The following NELL1 variants were observed in gnomAD, a reference collection of about 807,000 sequenced individuals.
NELL1 encodes the protein protein kinase C-binding protein NELL1.
NELL1 carries 76 observed loss-of-function variants against 107.4 expected under a neutral mutation model. That is an observed-to-expected ratio of 0.71 (90% confidence interval 0.59 to 0.86). The LOEUF (loss-of-function observed/expected upper bound fraction) is 0.86, where lower values mean the gene tolerates loss of function less well. NELL1 is among the 40% of genes least tolerant of loss of function. NELL1 has a pLI of 0.00. For missense variants in NELL1, 1,024 were observed against 1,005.5 expected, an observed-to-expected ratio of 1.02 and a Z score of -0.25; for synonymous variants, 353 against 341.2, an observed-to-expected ratio of 1.03 and a Z score of -0.38.
At chr11:21,002,843 G>A (rs1423863068) in intron 12 of NELL1, among the ~76,000 whole-genome samples, 2 of 152,116 alleles carry the variant, frequency 1.3e-5, no homozygotes, top group African/African-American at 2.4e-5. Flanking sequence ...TTCACTTGCA[G>A]TGAATTATTT....
chr11:21,062,804 TTTTG>T (rs549369856), intron 12 of NELL1, among the ~76,000 whole-genome samples: 80 of 151,626 alleles, frequency 5.3e-4, no homozygotes, highest in Middle Eastern at 3.4e-3. Context: ...AGTTTTCCTT[TTTTG>T]TTTGTTTGTT....
At chr11:21,195,917 T>C (rs2133841617) in intron 13 of NELL1, among the ~76,000 whole-genome samples, 1 of 152,362 alleles carries the variant, frequency 6.6e-6, no homozygotes, top group Non-Finnish European at 1.5e-5. Context: ...CAAGTAATAC[T>C]ATTTTTCAGC....
At position 20,692,663 on chromosome 11, in the gene NELL1, G is replaced by A. The variant is rs573397298; in HGVS notation, c.184+14603G>A. Among the ~76,000 whole-genome samples, 971 of 151,592 alleles carry A rather than the reference G, an allele frequency of 6.4e-3. 9 individuals carry two copies. Among genetic ancestry groups the A allele is most frequent in the African/African-American group, 0.022 (901 of 41,230 alleles). On this transcript the variant is annotated intron_variant, in intron 2 of 19. Transcript: ENST00000357134. ...GTGGTCTGAGAGACAGTTTGTTATA[G>A]TTTCTGTTCTTTTACATTTGCTGAG...
At chr11:21,243,320 C>T (rs1191156837) in intron 14 of NELL1, among the ~76,000 whole-genome samples, 1 of 151,972 alleles carries the variant, frequency 6.6e-6, no homozygotes, top group African/African-American at 2.4e-5. Flanking sequence ...AGGAATTTTT[C>T]ATATCTTTCT....
At chr11:21,525,674 A>C (rs969909251) in intron 15 of NELL1, among the ~76,000 whole-genome samples, 1 of 152,204 alleles carries the variant, frequency 6.6e-6, no homozygotes, top group Non-Finnish European at 1.5e-5. Context: ...ACAGTTCCAC[A>C]TGGCTGGGGA....
At chr11:21,071,417 CAAT>C (rs1854011964) in intron 12 of NELL1, among the ~76,000 whole-genome samples, 1 of 151,978 alleles carries the variant, frequency 6.6e-6, no homozygotes. Context: ...GTAAAGATGG[CAAT>C]AATAATAATG....
At chr11:21,056,962 T>C (rs1853628690) in intron 12 of NELL1, among the ~76,000 whole-genome samples, 1 of 148,014 alleles carries the variant, frequency 6.8e-6, no homozygotes, top group Non-Finnish European at 1.5e-5. Context: ...ACTGTAAAAA[T>C]ATTTGGGTAG....
At chr11:20,691,452 C>T (rs1375278666) in intron 2 of NELL1, among the ~76,000 whole-genome samples, 16 of 151,980 alleles carry the variant, frequency 1.1e-4, no homozygotes, top group East Asian at 7.7e-4. Flanking sequence ...TTTTGAGATA[C>T]GTCCCATCAA....
chr11:21,109,978 C>T (rs552314171), intron 12 of NELL1, among the ~76,000 whole-genome samples: 2 of 152,172 alleles, frequency 1.3e-5, no homozygotes, highest in South Asian at 2.1e-4. Flanking sequence ...ATCCCAAAAC[C>T]GTGAGAGTTG....
intron 2 of NELL1, among the ~76,000 whole-genome samples, chr11:20,721,680 A>C (rs961559952): frequency 6.6e-6 from 1 of 152,208 alleles, no homozygotes; most frequent in Non-Finnish European, 1.5e-5. Flanking sequence ...ACTGTTGGTC[A>C]CAGTCTAGCA....
chr11:21,482,116 A>G (rs1220122047), intron 15 of NELL1, among the ~76,000 whole-genome samples: 4 of 152,274 alleles, frequency 2.6e-5, no homozygotes, highest in Admixed American at 2.6e-4. Context: ...ACTAGTTTAT[A>G]GAATTGACAG....
intron 15 of NELL1, among the ~76,000 whole-genome samples, chr11:21,485,028 T>A (rs1487923344): frequency 6.6e-6 from 1 of 151,970 alleles, no homozygotes; most frequent in South Asian, 2.1e-4. Flanking sequence ...CTCCTGGACA[T>A]AAGGAAAGGG....
intron 15 of NELL1, among the ~76,000 whole-genome samples, chr11:21,415,937 G>T (rs1449011871): frequency 6.6e-6 from 1 of 151,562 alleles, no homozygotes; most frequent in Non-Finnish European, 1.5e-5. Flanking sequence ...TCTTCAAGAG[G>T]AGTTGGGAGA....
chr11:20,679,325 G>C (rs1212223052), intron 2 of NELL1, among the ~76,000 whole-genome samples: 1 of 152,164 alleles, frequency 6.6e-6, no homozygotes, highest in African/African-American at 2.4e-5. Context: ...AGGCAGCCTG[G>C]ATATTCCTCT....
intron 16 of NELL1, among the ~76,000 whole-genome samples, chr11:21,548,164 T>C (rs1431779943): frequency 6.6e-6 from 1 of 151,706 alleles, no homozygotes; most frequent in African/African-American, 2.4e-5. Flanking sequence ...TGCAGAGGAG[T>C]GAATAAGTGG....
At position 21,524,370 on chromosome 11, in the gene NELL1, T is replaced by C. The variant is rs150998817; in HGVS notation, c.1646-10004T>C. Among the ~76,000 whole-genome samples, 111 of 152,240 alleles carry C rather than the reference T, an allele frequency of 7.3e-4. 3 individuals are homozygous for C. Among genetic ancestry groups the C allele is most frequent in the Middle Eastern group, 6.8e-3 (2 of 294 alleles). On this transcript the variant is annotated intron_variant, in intron 15 of 19. Coordinates refer to ENST00000357134, the MANE Select transcript of NELL1 (RefSeq NM_006157.5). ...TAATATATGGAAGTTCAAAAATTCT[T>C]CCTATTTAATAGAGAAACTGTAAGA...
rs1857189069 is a variant in NELL1, at chr11:21,575,026, A to AT, written c.*7dup. Reference sequence around the variant, plus strand: ...TGAGTGTCTTCAAAATAATTGAAGTATTTACAGTGGACTCAACGCAGAAGA... The same window carrying AT: ...TGAGTGTCTTCAAAATAATTGAAGTATTTTACAGTGGACTCAACGCAGAAGA... On this transcript the variant is annotated 3_prime_UTR_variant, in exon 20 of 20. Coordinates refer to ENST00000357134, the MANE Select transcript of NELL1 (RefSeq NM_006157.5). 6.2e-7 allele frequency: 1 copy of AT among 1,606,204 alleles called. No individual in the cohort carries two copies. The highest frequency in any genetic ancestry group is 1.3e-5 in the African/African-American group (1 of 74,646).
chr11:21,077,214 A>T (rs1048416836), intron 12 of NELL1, among the ~76,000 whole-genome samples: 1 of 152,228 alleles, frequency 6.6e-6, no homozygotes, highest in Non-Finnish European at 1.5e-5. Context: ...CCTGAGTAAC[A>T]TGACAATATT....
chr11:21,037,207 A>G (rs2134325712), intron 12 of NELL1, among the ~76,000 whole-genome samples: 1 of 150,948 alleles, frequency 6.6e-6, no homozygotes, highest in Middle Eastern at 3.4e-3. Context: ...TAATGTGAGA[A>G]GCCAATTTTG....
Sources: gnomAD v4.1 joint callset for allele counts (sites outside exome capture counted in the v4.1 genomes callset) on GRCh38, gnomAD v4.1.1 for gene constraint, MANE v1.5 for transcripts, NCBI Gene and HGNC (gene_info 2026-07-23, HGNC 2026-07-21) for gene names.